Variants in TOMM40 observed in about 807,000 individuals in gnomAD.
TOMM40 encodes mitochondrial import receptor subunit TOM40 homolog.
TOMM40 carries 9 observed loss-of-function variants against 38.4 expected under a neutral mutation model. The observed-to-expected ratio is 0.23, with a 90% CI of 0.14 to 0.41. The LOEUF is 0.41. TOMM40 is among the 10% of genes least tolerant of loss of function. TOMM40 has a pLI of 1.00. For synonymous variants in TOMM40, 184 were observed against 210.0 expected (o/e 0.88, Z 1.07); for missense variants, 299 against 486.5 (o/e 0.61, Z 3.63).
At chr19:44,899,640 T>TA (rs1372613312) in intron 5 of TOMM40, among the ~76,000 whole-genome samples, 1 of 148,572 alleles carries the variant, frequency 6.7e-6, no homozygotes, top group Non-Finnish European at 1.5e-5. Context: ...TTTTTTATGA[T>TA]AATCTGTAGT....
intron 5 of TOMM40, among the ~76,000 whole-genome samples, chr19:44,897,790 AAGAGAG>A (rs538198716): frequency 6.8e-6 from 1 of 146,394 alleles, no homozygotes. Context: ...AAAAAAAAAA[AAGAGAG>A]AGAGAGGGAG....
At chr19:44,898,005 G>A (rs898084385) in intron 5 of TOMM40, among the ~76,000 whole-genome samples, 3 of 152,050 alleles carry the variant, frequency 2.0e-5, no homozygotes, top group Admixed American at 6.6e-5. Context: ...TCACACAGTC[G>A]CTTGCCCGAG....
chr19:44,899,969 C>G (rs1189086886), intron 5 of TOMM40, among the ~76,000 whole-genome samples: 1 of 151,950 alleles, frequency 6.6e-6, no homozygotes, highest in Non-Finnish European at 1.5e-5. Context: ...CCCTCCCTCT[C>G]TATTTCCCAC....
Position 44,901,074 on chromosome 19 carries a change from C to T in TOMM40, c.813C>T (p.His271=), listed in dbSNP as rs1454243825. Residue 271 remains histidine, a synonymous_variant, in exon 7 of 9, where the codon CAC becomes CAT. Coordinates refer to ENST00000426677, the MANE Select transcript of TOMM40 (RefSeq NM_001128917.2). ...TAACGTTGGGCCAGGCGGGCATGCA[C>T]GCAACATACTACCACAAAGCCAGTG... ...ATVTLGQAGM[H]ATYYHKASDQ... The T allele has an allele frequency of 1.1e-5, 17 of 1,614,148 alleles. No individual in the cohort carries two copies. The highest frequency in any genetic ancestry group is 6.7e-5 in the African/African-American group (5 of 74,960).
At chr19:44,898,460 A>G (rs1287083572) in intron 5 of TOMM40, among the ~76,000 whole-genome samples, 1 of 147,494 alleles carries the variant, frequency 6.8e-6, no homozygotes, top group Non-Finnish European at 1.5e-5. Context: ...TCAACTGTGA[A>G]TCTTCAGTCC....
chr19:44,894,157 C>A, intron 5 of TOMM40, 91 bp downstream of exon 5: 1 of 989,686 alleles, frequency 1.0e-6, no homozygotes, highest in Non-Finnish European at 1.5e-6. Context: ...CCTTTTCTGC[C>A]ACTGGAGAAG....
At chr19:44,892,706 T>C in intron 2 of TOMM40, 131 bp from the exon 3 acceptor site, 1 of 824,572 alleles carries the variant, frequency 1.2e-6, no homozygotes. Context: ...GCACCTCCTT[T>C]CTCTGAGTCT....
intron 3 of TOMM40, 45 bp from the exon 4 acceptor site, chr19:44,893,735 C>A: frequency 1.3e-6 from 2 of 1,549,188 alleles, no homozygotes; most frequent in Non-Finnish European, 1.8e-6. Flanking sequence ...CACATACTTG[C>A]ACAGTGCACC....
chr19:44,902,908 AG>A, intron 8 of TOMM40, 121 bp from the exon 9 acceptor site: 1 of 1,270,936 alleles, frequency 7.9e-7, no homozygotes, highest in Non-Finnish European at 1.1e-6. Flanking sequence ...TCAGGGTGGC[AG>A]GAGCAGTGTG....
Position 44,891,548 on chromosome 19 carries a change from G to C in TOMM40, c.133G>C (p.Gly45Arg). 1 of 1,423,044 alleles carries C rather than the reference G, an allele frequency of 7.0e-7. No homozygotes were observed. The highest frequency in any genetic ancestry group is 9.2e-7 in the Non-Finnish European group (1 of 1,085,830). 88.2% of individuals were successfully genotyped at this position (1,423,044 alleles called of 1,614,324 possible). ...GCTGCCGCCGCTGGGAGGCAGCCTGGGCGCCGGCACCAGTACGAGTCGAAG... is the reference window on the plus strand; with the variant it reads ...GCTGCCGCCGCTGGGAGGCAGCCTGCGCGCCGGCACCAGTACGAGTCGAAG... ...FTLPPLGGSL[G>R]AGTSTSRSSE... Residue 45 changes from glycine to arginine, a missense_variant, in exon 1 of 9, where the codon GGC (glycine) becomes CGC (arginine). Physicochemically the swap from Gly to Arg is moderately radical, Grantham distance 125 (BLOSUM62 -2). Coordinates refer to ENST00000426677, the MANE Select transcript of TOMM40 (RefSeq NM_001128917.2).
At chr19:44,892,132 C>T (rs1321886899) in intron 1 of TOMM40, among the ~76,000 whole-genome samples, 1 of 152,176 alleles carries the variant, frequency 6.6e-6, no homozygotes, top group East Asian at 1.9e-4. Context: ...TCATTAGATC[C>T]TTGGGACAAT....
Position 44,903,398 on chromosome 19 carries a change from G to C in TOMM40, c.*229G>C, listed in dbSNP as rs1347499663. 1 of 469,980 alleles carries C rather than the reference G, an allele frequency of 2.1e-6. No individual in the cohort carries two copies. The highest frequency in any genetic ancestry group is 3.7e-6 in the Non-Finnish European group (1 of 267,612). 29.1% of individuals were successfully genotyped at this position (469,980 alleles called of 1,614,324 possible). On this transcript the variant is annotated 3_prime_UTR_variant, in exon 9 of 9. Transcript: ENST00000426677. ...GGGGCAGCATGCCCAGTGGGCCTGG[G>C]GTCCCGGGAGGGATTCCGGAATTGA...
chr19:44,903,518 C>G lies in TOMM40; in HGVS notation c.*349C>G, dbSNP rs1969724655. 4.4e-6 allele frequency: 1 copy of G among 226,986 alleles called. No individual in the cohort carries two copies. The highest frequency in any genetic ancestry group is 2.3e-5 in the African/African-American group (1 of 42,910). 14.1% of individuals were successfully genotyped at this position (226,986 alleles called of 1,614,324 possible). Reference sequence around the variant, plus strand: ...TCCCCATCCTCCAAAGGGCCTGGGCCCGCCCCGAGGGGGCAGCGAGAGGAG... The same window carrying G: ...TCCCCATCCTCCAAAGGGCCTGGGCGCGCCCCGAGGGGGCAGCGAGAGGAG... On this transcript the variant is annotated 3_prime_UTR_variant, in exon 9 of 9. Coordinates refer to ENST00000426677, the MANE Select transcript of TOMM40 (RefSeq NM_001128917.2).
chr19:44,891,393 G>T lies in TOMM40; in HGVS notation c.-23G>T. ...GCGCGGGCCCTGACCTCTGCCCTCTGACCTCTCCCCTAGCAGGCGACCATG... is the reference window on the plus strand; with the variant it reads ...GCGCGGGCCCTGACCTCTGCCCTCTTACCTCTCCCCTAGCAGGCGACCATG... On this transcript the variant is annotated 5_prime_UTR_variant, in exon 1 of 9. Transcript: ENST00000426677. 1.6e-6 allele frequency: 2 copies of T among 1,274,906 alleles called. No individual in the cohort carries two copies. The highest frequency in any genetic ancestry group is 2.9e-5 in the South Asian group (1 of 34,868). The allele number at this position is 1,274,906 out of a possible 1,614,324, so 79.0% of individuals were successfully genotyped here.
chr19:44,897,776 C>CAAAA (rs111611308), intron 5 of TOMM40, among the ~76,000 whole-genome samples: 3 of 132,746 alleles, frequency 2.3e-5, no homozygotes, highest in East Asian at 2.3e-4. Context: ...CGCCCCATCT[C>CAAAA]AAAAAAAAAA....
chr19:44,892,719 T>C, intron 2 of TOMM40, 118 bp from the exon 3 acceptor site: 1 of 877,930 alleles, frequency 1.1e-6, no homozygotes, highest in Non-Finnish European at 1.9e-6. Context: ...CTGAGTCTCT[T>C]AGTCAGGCCG....
intron 5 of TOMM40, among the ~76,000 whole-genome samples, chr19:44,899,791 C>CTTTTTTTTTTTTTTTTTTTTTTT (rs10524523): frequency 3.3e-5 from 3 of 90,992 alleles, no homozygotes; most frequent in Admixed American, 1.5e-4. Context: ...TTGCATCTGG[C>CTTTTTTTTTTTTTTTTTTTTTTT]TTTTTTTTTT....
chr19:44,899,016 C>T (rs1969625365), intron 5 of TOMM40, among the ~76,000 whole-genome samples: 1 of 150,992 alleles, frequency 6.6e-6, no homozygotes, highest in East Asian at 2.0e-4. Context: ...CCTGTAGTCC[C>T]AGCTACTCGG....
At position 44,900,743 on chromosome 19, in the gene TOMM40, C is replaced by T. The variant is rs34459630; in HGVS notation, c.657C>T (p.Ala219=). The T allele has an allele frequency of 9.2e-4, 1,483 of 1,612,452 alleles. 11 individuals carry two copies. The African/African-American group carries it at 0.016, about 17-fold the overall frequency. ...TTTTGCCCACAGGAATCCTCGTAGC[C>T]CACTACCTCCAGAGCATCACGCCTT... The part of the protein sequence containing the change: ...DVLVGSGILV[A]HYLQSITPCL... Residue 219 remains alanine (A), a synonymous_variant, in exon 6 of 9, where the codon GCC becomes GCT. Transcript: ENST00000426677.
Sources: allele counts gnomAD v4.1 joint callset (sites outside exome capture counted in the v4.1 genomes callset), GRCh38; gene constraint gnomAD v4.1.1; transcripts MANE v1.5; gene names NCBI Gene and HGNC (gene_info 2026-07-23, HGNC 2026-07-21).